KCNIP3: variants seen among roughly 807,000 people sequenced by gnomAD.
The protein encoded by KCNIP3 is calsenilin.
KCNIP3 carries 28 observed loss-of-function variants against 35.0 expected under a neutral mutation model. That is an observed-to-expected ratio of 0.80 (90% CI 0.59 to 1.10). The LOEUF (loss-of-function observed/expected upper bound fraction) is 1.10. Ranked by LOEUF, KCNIP3 falls within the 50% of genes least tolerant of loss-of-function variation. The pLI is 0.00. For missense variants in KCNIP3, 295 were observed against 338.4 expected (o/e 0.87, Z 1.01); for synonymous variants, 134 against 133.8 (o/e 1.00, Z -0.01).
intron 2 of KCNIP3, among the ~76,000 whole-genome samples, chr2:95,364,486 C>G (rs1006426608): frequency 6.6e-6 from 1 of 152,268 alleles, no homozygotes; most frequent in Non-Finnish European, 1.5e-5. Context: ...TGTCCCCCCC[C>G]ACATCTCATG....
chr2:95,305,291 C>T (rs1206574386), intron 1 of KCNIP3, among the ~76,000 whole-genome samples: 2 of 152,156 alleles, frequency 1.3e-5, no homozygotes, highest in African/African-American at 4.8e-5. Flanking sequence ...GTTTTTAACA[C>T]CTTCTTTTTG....
rs570878893 is a variant in KCNIP3 at position 95,345,529 on chromosome 2, AG to A, written c.182-28766del. Among the ~76,000 whole-genome samples the A allele has an allele frequency of 3.2e-3, 494 of 152,358 alleles. 1 individual carries two copies. The highest frequency in any genetic ancestry group is 4.7e-3 in the Non-Finnish European group (322 of 68,038). On this transcript the variant is annotated intron_variant, in intron 2 of 8. Transcript: ENST00000295225. ...GCCGAGTGAGTGGCAGAGGCTCCCT[AG>A]ATGGAAGCTGCAATTGCTCAGGCCG...
At position 95,321,141 on chromosome 2, in the gene KCNIP3, A is replaced by G. The variant is rs370423596; in HGVS notation, c.181+10621A>G. The stretch of plus-strand genomic sequence containing the variant: ...CAGTCCCCCAAGCCTAGGGAAGTCT[A>G]GGCCCTTTCCTCCCCGGCACCCCCA... On this transcript the variant is annotated intron_variant, in intron 2 of 8. Coordinates refer to ENST00000295225, the MANE Select transcript of KCNIP3 (RefSeq NM_013434.5). 1.1e-3 allele frequency among the ~76,000 whole-genome samples: 167 copies of G among 148,094 alleles called. 4 individuals carry two copies. The East Asian group carries it at 0.028, about 25-fold the overall frequency.
intron 3 of KCNIP3, 42 bp from the exon 4 acceptor site, chr2:95,374,806 C>G (rs1558778096): frequency 6.2e-7 from 1 of 1,601,868 alleles, no homozygotes; most frequent in East Asian, 2.2e-5. Flanking sequence ...GGGCTTGGAG[C>G]TGGGGGTGGC....
intron 5 of KCNIP3, among the ~76,000 whole-genome samples, chr2:95,380,794 T>G (rs1453480057): frequency 6.6e-6 from 1 of 152,098 alleles, no homozygotes; most frequent in Non-Finnish European, 1.5e-5. Flanking sequence ...GTAGGAGGAT[T>G]ACTTGGGGCC....
rs1255836735 is a variant in KCNIP3, at chr2:95,384,488, C to G, written c.*439C>G. On this transcript the variant is annotated 3_prime_UTR_variant, in exon 9 of 9. Transcript: ENST00000295225. ...CACACAGTGGGCCGGCCCCAGGCTCCCCTGGTCTCCTCCCCGTAGCCACTC... is the reference window on the plus strand; with the variant it reads ...CACACAGTGGGCCGGCCCCAGGCTCGCCTGGTCTCCTCCCCGTAGCCACTC... The G allele has an allele frequency of 6.3e-5, 12 of 191,532 alleles. No individual in the cohort carries two copies. The highest frequency in any genetic ancestry group is 1.2e-4 in the African/African-American group (5 of 43,010). 11.9% of individuals were successfully genotyped at this position (191,532 alleles called of 1,614,324 possible).
chr2:95,343,955 CT>C (rs1478424621), intron 2 of KCNIP3, among the ~76,000 whole-genome samples: 1 of 150,078 alleles, frequency 6.7e-6, no homozygotes. Context: ...CAGGACACCC[CT>C]GTCTCCTAGT....
intron 2 of KCNIP3, among the ~76,000 whole-genome samples, chr2:95,346,243 G>A (rs1166608911): frequency 6.6e-6 from 1 of 151,700 alleles, no homozygotes. Context: ...ACTCCGCGCG[G>A]GCCAGCGGCG....
chr2:95,349,598 C>T lies in KCNIP3; in HGVS notation c.182-24698C>T, dbSNP rs148117978. On this transcript the variant is annotated intron_variant, in intron 2 of 8. Coordinates refer to ENST00000295225, the MANE Select transcript of KCNIP3 (RefSeq NM_013434.5). ...GGAAGCTCGCCCCTTGATCCATGGA[C>T]AAGGGGGCTGAGCCCGGGGTGGTGG... 2.7e-3 allele frequency among the ~76,000 whole-genome samples: 405 copies of T among 152,292 alleles called. 1 individual carries two copies. Among genetic ancestry groups the T allele is most frequent in the African/African-American group, 9.0e-3 (374 of 41,560 alleles).
intron 2 of KCNIP3, among the ~76,000 whole-genome samples, chr2:95,373,596 G>T (rs1222646305): frequency 1.3e-5 from 2 of 151,932 alleles, no homozygotes; most frequent in Non-Finnish European, 2.9e-5. Context: ...CTAATTTTTT[G>T]TATTTTTATT....
intron 2 of KCNIP3, among the ~76,000 whole-genome samples, chr2:95,363,855 G>T (rs1330258729): frequency 6.6e-6 from 1 of 152,162 alleles, no homozygotes; most frequent in African/African-American, 2.4e-5. Flanking sequence ...TATTACTGGT[G>T]TAGAGAACTG....
chr2:95,328,759 C>T (rs1346249925), intron 2 of KCNIP3, among the ~76,000 whole-genome samples: 2 of 152,252 alleles, frequency 1.3e-5, no homozygotes, highest in Non-Finnish European at 2.9e-5. Context: ...AGGCATTGCT[C>T]CCCAGTACCA....
At chr2:95,364,627 A>G (rs1679876978) in intron 2 of KCNIP3, among the ~76,000 whole-genome samples, 1 of 152,162 alleles carries the variant, frequency 6.6e-6, no homozygotes. Flanking sequence ...TTCATGTGAA[A>G]TCTGACTTTT....
chr2:95,340,991 A>G (rs1282229225), intron 2 of KCNIP3, among the ~76,000 whole-genome samples: 1 of 152,154 alleles, frequency 6.6e-6, no homozygotes, highest in African/African-American at 2.4e-5. Context: ...GTTGGGCCAG[A>G]GCAGAGGCTG....
At chr2:95,320,155 T>C (rs1678557274) in intron 2 of KCNIP3, among the ~76,000 whole-genome samples, 1 of 152,008 alleles carries the variant, frequency 6.6e-6, no homozygotes, top group African/African-American at 2.4e-5. Context: ...GAGAATGAGG[T>C]GGGTGCTGCT....
chr2:95,326,998 A>T (rs1678811867), intron 2 of KCNIP3, among the ~76,000 whole-genome samples: 1 of 152,058 alleles, frequency 6.6e-6, no homozygotes, highest in Non-Finnish European at 1.5e-5. Flanking sequence ...CCCTCTTATC[A>T]CCACAGTGCT....
intron 2 of KCNIP3, among the ~76,000 whole-genome samples, chr2:95,355,975 G>T (rs775149769): frequency 6.6e-6 from 1 of 152,194 alleles, no homozygotes; most frequent in African/African-American, 2.4e-5. Context: ...GTGTAAAGGC[G>T]TTCCTATTTC....
chr2:95,301,092 C>T (rs1281286286), intron 1 of KCNIP3, among the ~76,000 whole-genome samples: 11 of 151,230 alleles, frequency 7.3e-5, no homozygotes, highest in Non-Finnish European at 1.0e-4. Flanking sequence ...TCGTGGGATC[C>T]TCTCTCAAGA....
chr2:95,347,111 T>C (rs1482380238), intron 2 of KCNIP3: 8 of 1,610,542 alleles, frequency 5.0e-6, no homozygotes, highest in Non-Finnish European at 6.8e-6. Context: ...CTGGAGCCCA[T>C]ATCCATGGAA....
Sources: allele counts gnomAD v4.1 joint callset (sites outside exome capture counted in the v4.1 genomes callset), GRCh38; gene constraint gnomAD v4.1.1; transcripts MANE v1.5; gene names NCBI Gene and HGNC (gene_info 2026-07-23, HGNC 2026-07-21).